The following NDRG3 variants were observed in gnomAD, a reference collection of about 807,000 sequenced individuals.
NDRG3 encodes the protein protein NDRG3.
In NDRG3, 23 loss-of-function variants were observed where a neutral mutation model predicts 57.2. That is an observed-to-expected ratio of 0.40 (90% CI 0.29 to 0.57). The LOEUF (loss-of-function observed/expected upper bound fraction) is 0.57, where lower values mean the gene tolerates loss of function less well. NDRG3 is among the 20% of genes least tolerant of loss of function. The pLI, the probability that NDRG3 is intolerant of heterozygous loss-of-function variation, is 0.42. For missense variants in NDRG3, 384 were observed against 457.3 expected, an observed-to-expected ratio of 0.84 and a Z score of 1.46; for synonymous variants, 132 against 162.6, an observed-to-expected ratio of 0.81 and a Z score of 1.43.
At chr20:36,745,821 G>T in intron 1 of NDRG3, among the ~76,000 whole-genome samples, 1 of 151,978 alleles carries the variant, frequency 6.6e-6, no homozygotes, top group East Asian at 1.9e-4. Context: ...GTCGCCGGCG[G>T]GCTGGGCGCG....
At chr20:36,660,562 TTA>T (rs1160241334) in intron 12 of NDRG3, among the ~76,000 whole-genome samples, 178 bp from the exon 13 acceptor site, 41 of 150,948 alleles carry the variant, frequency 2.7e-4, no homozygotes, top group African/African-American at 9.3e-4. Flanking sequence ...ATTTATTTAT[TTA>T]TTTATTTTTT....
chr20:36,687,455 A>C, intron 5 of NDRG3, 37 bp downstream of exon 5: 1 of 1,605,732 alleles, frequency 6.2e-7, no homozygotes, highest in Non-Finnish European at 8.5e-7. Flanking sequence ...TGCTCTACTG[A>C]GTGCACGTCT....
At chr20:36,682,437 C>T in intron 7 of NDRG3, 81 bp downstream of exon 7, 1 of 1,143,762 alleles carries the variant, frequency 8.7e-7, no homozygotes, top group South Asian at 1.3e-5. Flanking sequence ...CAGAATACTG[C>T]CTGGTCATTT....
chr20:36,734,661 C>T (rs558216531), intron 1 of NDRG3, among the ~76,000 whole-genome samples: 5 of 152,186 alleles, frequency 3.3e-5, no homozygotes, highest in Admixed American at 1.3e-4. Flanking sequence ...GCACAACTGA[C>T]ATTTTAGGCC....
intron 2 of NDRG3, among the ~76,000 whole-genome samples, chr20:36,711,826 T>C (rs993143636): frequency 2.0e-5 from 3 of 152,232 alleles, no homozygotes; most frequent in African/African-American, 7.2e-5. Flanking sequence ...TCGCCCAGGC[T>C]GCAGTTGCAG....
chr20:36,669,462 C>T (rs1236563905), intron 9 of NDRG3, among the ~76,000 whole-genome samples: 1 of 152,002 alleles, frequency 6.6e-6, no homozygotes, highest in Non-Finnish European at 1.5e-5. Flanking sequence ...GAACTCCTGA[C>T]CTCGTGATCC....
At chr20:36,675,680 C>A (rs1355891037) in intron 8 of NDRG3, among the ~76,000 whole-genome samples, 1 of 151,956 alleles carries the variant, frequency 6.6e-6, no homozygotes, top group African/African-American at 2.4e-5. Flanking sequence ...GCTACTGCAC[C>A]TGGCCTACTT....
At chr20:36,699,716 G>A (rs1486476256) in intron 3 of NDRG3, among the ~76,000 whole-genome samples, 1 of 151,978 alleles carries the variant, frequency 6.6e-6, no homozygotes, top group Non-Finnish European at 1.5e-5. Context: ...GTGTGTGTGG[G>A]TACACACAGG....
intron 6 of NDRG3, among the ~76,000 whole-genome samples, chr20:36,683,479 T>C (rs1981495369): frequency 6.6e-6 from 1 of 151,794 alleles, no homozygotes; most frequent in Non-Finnish European, 1.5e-5. Context: ...TAGCCAGGCA[T>C]GGTGGCCTGT....
chr20:36,688,608 G>T, intron 4 of NDRG3, 71 bp downstream of exon 4: 1 of 1,123,392 alleles, frequency 8.9e-7, no homozygotes, highest in Non-Finnish European at 1.4e-6. Context: ...TTAGAATATT[G>T]TTGTTGTTTG....
intron 12 of NDRG3, among the ~76,000 whole-genome samples, chr20:36,662,901 C>T (rs1444723932): frequency 6.6e-6 from 1 of 152,114 alleles, no homozygotes; most frequent in Non-Finnish European, 1.5e-5. Context: ...GCAAAGGTTG[C>T]TTTAAGTCCA....
chr20:36,670,491 G>A (rs1368988153), intron 9 of NDRG3, among the ~76,000 whole-genome samples: 1 of 152,108 alleles, frequency 6.6e-6, no homozygotes, highest in African/African-American at 2.4e-5. Flanking sequence ...GGCCTGACCT[G>A]GATTCAAATG....
intron 8 of NDRG3, among the ~76,000 whole-genome samples, chr20:36,677,568 C>T (rs1247255756): frequency 1.3e-5 from 2 of 152,332 alleles, no homozygotes; most frequent in East Asian, 3.9e-4. Flanking sequence ...ACACTCTCCA[C>T]TGAGCGCTTC....
chr20:36,735,147 G>T (rs978076545), intron 1 of NDRG3, among the ~76,000 whole-genome samples: 3 of 152,084 alleles, frequency 2.0e-5, no homozygotes, highest in Non-Finnish European at 4.4e-5. Flanking sequence ...CATACATAAT[G>T]ACATAGCCAA....
Position 36,653,717 on chromosome 20 carries a change from A to C in NDRG3, c.947-16T>G. On this transcript the variant is annotated splice_polypyrimidine_tract_variant and intron_variant, in intron 15 of 15. Coordinates refer to ENST00000349004, the MANE Select transcript of NDRG3 (RefSeq NM_032013.4). The surrounding 1 kb of genome is among the most constrained non-coding windows in gnomAD (Gnocchi z 4.2). Reference sequence around the variant, plus strand: ...GCAGATGGTACTGTAACAGAGAACCAAGGGGACTAGAAGATGAAGCCCCGG... The same window carrying C: ...GCAGATGGTACTGTAACAGAGAACCCAGGGGACTAGAAGATGAAGCCCCGG... The C allele has an allele frequency of 6.2e-7, 1 of 1,608,866 alleles. No individual in the cohort carries two copies. Among genetic ancestry groups the C allele is most frequent in the South Asian group, 1.1e-5 (1 of 90,926 alleles).
chr20:36,696,377 G>A (rs142946060), intron 3 of NDRG3, among the ~76,000 whole-genome samples: 2,619 of 152,218 alleles, frequency 0.017, 68 homozygotes, highest in African/African-American at 0.06. Flanking sequence ...TTACAGGCGT[G>A]AGTCACTGTG....
chr20:36,700,966 G>A (rs1286122246), intron 3 of NDRG3, among the ~76,000 whole-genome samples: 1 of 151,892 alleles, frequency 6.6e-6, no homozygotes, highest in Non-Finnish European at 1.5e-5. Flanking sequence ...CAGAGATGGG[G>A]TCTCCCTATA....
chr20:36,651,949 T>C lies in NDRG3; in HGVS notation c.*1571A>G, dbSNP rs1322203501. ...ATGCTCCCAAGAGCTGGGCTCTTGC[T>C]ATGTGGTAGTTGGTCTCCACAATTC... is the stretch of plus-strand genomic sequence containing the variant. On this transcript the variant is annotated 3_prime_UTR_variant, in exon 16 of 16. Coordinates refer to ENST00000349004, the MANE Select transcript of NDRG3 (RefSeq NM_032013.4). The C allele has an allele frequency of 6.6e-6, 1 of 152,236 alleles. No homozygotes were observed. The highest frequency in any genetic ancestry group is 2.4e-5 in the African/African-American group (1 of 41,458). 9.4% of individuals were successfully genotyped at this position (152,236 alleles called of 1,614,324 possible).
chr20:36,712,587 A>ATATATATATTT (rs57260715), intron 2 of NDRG3, among the ~76,000 whole-genome samples: 5 of 5,910 alleles, frequency 8.5e-4, no homozygotes, highest in African/African-American at 1.6e-3. Context: ...ATATATATAT[A>ATATATATATTT]TTTTTTTTTT....
Sources: allele counts gnomAD v4.1 joint callset (sites outside exome capture counted in the v4.1 genomes callset), GRCh38; gene constraint gnomAD v4.1.1; non-coding constraint Gnocchi (gnomAD v3.1); transcripts MANE v1.5; gene names NCBI Gene and HGNC (gene_info 2026-07-23, HGNC 2026-07-21).